Variants in NT5C3A observed in about 807,000 individuals in gnomAD.
NT5C3A encodes the protein cytosolic 5'-nucleotidase 3A.
NT5C3A carries 23 observed loss-of-function variants against 40.0 expected under a neutral mutation model. That is an observed-to-expected ratio of 0.58 (90% CI 0.41 to 0.81). The LOEUF (loss-of-function observed/expected upper bound fraction) is 0.81, where lower values mean the gene tolerates loss of function less well. Among genes scored for constraint, NT5C3A ranks in the 40% least tolerant of loss-of-function variants. NT5C3A has a pLI of 0.00. For synonymous variants in NT5C3A, 130 were observed against 141.4 expected (o/e 0.92, Z 0.57); for missense variants, 328 against 403.0 (o/e 0.81, Z 1.59).
intron 1 of NT5C3A, among the ~76,000 whole-genome samples, chr7:33,060,442 G>A (rs1343790889): frequency 6.9e-6 from 1 of 144,368 alleles, no homozygotes; most frequent in Non-Finnish European, 1.5e-5. Flanking sequence ...TGGGATTACA[G>A]GTGTGAGCCA....
intron 1 of NT5C3A, among the ~76,000 whole-genome samples, chr7:33,058,906 T>C (rs1581684): frequency 0.053 from 8,076 of 152,292 alleles, 258 homozygotes; most frequent in East Asian, 0.15. Flanking sequence ...CTTCACATCA[T>C]TGTTTTACCA....
At chr7:33,053,924 C>T (rs1045069911) in intron 1 of NT5C3A, among the ~76,000 whole-genome samples, 3 of 152,094 alleles carry the variant, frequency 2.0e-5, no homozygotes, top group Non-Finnish European at 4.4e-5. Flanking sequence ...ATGTGGTTAA[C>T]TTGTGGCATA....
intron 1 of NT5C3A, among the ~76,000 whole-genome samples, chr7:33,042,285 G>A (rs1238668158): frequency 6.6e-6 from 1 of 151,922 alleles, no homozygotes; most frequent in Non-Finnish European, 1.5e-5. Context: ...AGCTGAGATT[G>A]CGCCACTGCA....
At chr7:33,051,649 A>G (rs943808506) in intron 1 of NT5C3A, among the ~76,000 whole-genome samples, 1 of 152,140 alleles carries the variant, frequency 6.6e-6, no homozygotes, top group African/African-American at 2.4e-5. Context: ...TACTGCTCCC[A>G]TAACAGTTTA....
rs553946094 is a variant in NT5C3A, at chr7:33,059,921, T to C, written c.138+2647A>G. On this transcript the variant is annotated intron_variant, in intron 1 of 8. Coordinates refer to ENST00000610140, the MANE Select transcript of NT5C3A (RefSeq NM_001002010.5). ...CAGGATCTTCCCTTCCAGTCCACCTTATCTCATCTTCATAAAACATACTGT... is the reference window on the plus strand; with the variant it reads ...CAGGATCTTCCCTTCCAGTCCACCTCATCTCATCTTCATAAAACATACTGT... 1.2e-3 allele frequency among the ~76,000 whole-genome samples: 190 copies of C among 152,316 alleles called. 1 individual carries two copies. Among genetic ancestry groups the C allele is most frequent in the Middle Eastern group, 0.01 (3 of 294 alleles).
chr7:33,026,184 CAAAAAACA>C (rs1412431582), intron 2 of NT5C3A, among the ~76,000 whole-genome samples: 1 of 151,320 alleles, frequency 6.6e-6, no homozygotes, highest in African/African-American at 2.4e-5. Context: ...TACTCAGTCT[CAAAAAACA>C]AAAAAATTAG....
chr7:33,041,003 C>A, intron 1 of NT5C3A: 1 of 985,454 alleles, frequency 1.0e-6, no homozygotes. Flanking sequence ...AACCTTGTGA[C>A]GCACTGCTGC....
At chr7:33,024,220 C>CA in intron 2 of NT5C3A, 112 bp from the exon 3 acceptor site, 1 of 708,580 alleles carries the variant, frequency 1.4e-6, no homozygotes, top group Non-Finnish European at 2.6e-6. Flanking sequence ...GGACTGTGCT[C>CA]AAGTCTCTGG....
chr7:33,062,544 G>T, intron 1 of NT5C3A, 24 bp downstream of exon 1: 1 of 1,603,414 alleles, frequency 6.2e-7, no homozygotes. Flanking sequence ...GCGTGCTCTG[G>T]GCGCGCCGAG....
Position 33,062,734 on chromosome 7 carries a change from G to A in NT5C3A, c.-29C>T. On this transcript the variant is annotated 5_prime_UTR_variant, in exon 1 of 9. Coordinates refer to ENST00000610140, the MANE Select transcript of NT5C3A (RefSeq NM_001002010.5). ...CGGGGCCCTCATGCGCGTCCAAGCA[G>A]GAAAAAAACAGGCAGCTCGCGTAGA... The A allele has an allele frequency of 1.3e-6, 2 of 1,551,688 alleles. No individual in the cohort carries two copies. Among genetic ancestry groups the A allele is most frequent in the Non-Finnish European group, 1.7e-6 (2 of 1,147,854 alleles).
Position 33,031,578 on chromosome 7 carries a change from C to A in NT5C3A, c.139-4663G>T, listed in dbSNP as rs11767244. Among the ~76,000 whole-genome samples the A allele has an allele frequency of 1.0e-2, 1,510 of 151,642 alleles. 13 individuals are homozygous for A. The highest frequency in any genetic ancestry group is 0.016 in the Non-Finnish European group (1,105 of 67,928). ...CTCCAGCCTGGGTGACACAGTGAGACCCTGTCTCAAAAAAAAAATAAATAA... is the reference window on the plus strand; with the variant it reads ...CTCCAGCCTGGGTGACACAGTGAGAACCTGTCTCAAAAAAAAAATAAATAA... On this transcript the variant is annotated intron_variant, in intron 1 of 8. Coordinates refer to ENST00000610140, the MANE Select transcript of NT5C3A (RefSeq NM_001002010.5).
At position 33,033,169 on chromosome 7, in the gene NT5C3A, T is replaced by C. The variant is rs150956159; in HGVS notation, c.139-6254A>G. 2.2e-3 allele frequency among the ~76,000 whole-genome samples: 338 copies of C among 152,368 alleles called. 1 individual carries two copies. The highest frequency in any genetic ancestry group is 7.7e-3 in the African/African-American group (322 of 41,590). ...CAGATGTTCTCAGAGAAATATTCTT[T>C]CTTGGTTTTCCATTGTTTATATTTG... On this transcript the variant is annotated intron_variant, in intron 1 of 8. Coordinates refer to ENST00000610140, the MANE Select transcript of NT5C3A (RefSeq NM_001002010.5).
At chr7:33,052,400 C>T (rs1787403472) in intron 1 of NT5C3A, among the ~76,000 whole-genome samples, 1 of 143,564 alleles carries the variant, frequency 7.0e-6, no homozygotes, top group African/African-American at 2.6e-5. Flanking sequence ...CCACGAGTAT[C>T]ACTTGAAGCT....
intron 1 of NT5C3A, among the ~76,000 whole-genome samples, chr7:33,055,319 GAA>G (rs1310435975): frequency 1.4e-5 from 2 of 140,210 alleles, no homozygotes; most frequent in Admixed American, 7.2e-5. Context: ...CTTGGTGTCG[GAA>G]AAAAAAAAAA....
At chr7:33,027,187 A>G (rs994831212) in intron 1 of NT5C3A, among the ~76,000 whole-genome samples, 3 of 152,132 alleles carry the variant, frequency 2.0e-5, no homozygotes, top group African/African-American at 7.2e-5. Context: ...CTCCCATCTC[A>G]GCCTCCTGAG....
At chr7:33,038,983 C>T (rs1786759920) in intron 1 of NT5C3A, 1 of 435,888 alleles carries the variant, frequency 2.3e-6, no homozygotes, top group Non-Finnish European at 4.6e-6. Flanking sequence ...TAAATGTGAA[C>T]TGGAAAATGT....
At chr7:33,046,992 T>TA (rs1787184623) in intron 1 of NT5C3A, among the ~76,000 whole-genome samples, 2 of 60,184 alleles carry the variant, frequency 3.3e-5, no homozygotes, top group African/African-American at 1.7e-4. Flanking sequence ...TTTTTAAGAG[T>TA]CGGGTCTTGC....
chr7:33,031,131 C>T (rs1786232789), intron 1 of NT5C3A, among the ~76,000 whole-genome samples: 2 of 148,656 alleles, frequency 1.3e-5, no homozygotes, highest in African/African-American at 5.0e-5. Context: ...AAGAGAGAAG[C>T]TCCATAGTAC....
intron 1 of NT5C3A, among the ~76,000 whole-genome samples, chr7:33,047,709 A>AC (rs1217701042): frequency 6.6e-6 from 1 of 152,180 alleles, no homozygotes; most frequent in Non-Finnish European, 1.5e-5. Context: ...ACTTACTAAA[A>AC]CGGGGGTCTT....
Sources: gnomAD v4.1 joint callset for allele counts (sites outside exome capture counted in the v4.1 genomes callset) on GRCh38, gnomAD v4.1.1 for gene constraint, MANE v1.5 for transcripts, NCBI Gene and HGNC (gene_info 2026-07-23, HGNC 2026-07-21) for gene names.